The following PPP1R9A variants were observed in gnomAD, a reference collection of about 807,000 sequenced individuals.
PPP1R9A encodes neurabin-1.
PPP1R9A carries 59 observed loss-of-function variants against 141.9 expected under a neutral mutation model. That is an observed-to-expected ratio of 0.42 (90% CI 0.34 to 0.52). The LOEUF (loss-of-function observed/expected upper bound fraction) is 0.52, where lower values mean the gene tolerates loss of function less well. Among genes scored for constraint, PPP1R9A ranks in the 20% least tolerant of loss-of-function variants. PPP1R9A has a pLI of 0.10. For missense variants in PPP1R9A, 1,444 were observed against 1,611.9 expected (o/e 0.90, Z 1.78); for synonymous variants, 500 against 569.7 (o/e 0.88, Z 1.74).
At chr7:95,165,857 T>G (rs1295688425) in intron 5 of PPP1R9A, among the ~76,000 whole-genome samples, 1 of 152,050 alleles carries the variant, frequency 6.6e-6, no homozygotes, top group Non-Finnish European at 1.5e-5. Flanking sequence ...TAAATGTTAT[T>G]GAAAATTGGG....
chr7:95,195,809 G>A (rs1261714388), intron 5 of PPP1R9A, among the ~76,000 whole-genome samples: 2 of 152,036 alleles, frequency 1.3e-5, no homozygotes, highest in Admixed American at 6.6e-5. Context: ...CCAGCACTTT[G>A]GGGGGCCAAA....
intron 2 of PPP1R9A, among the ~76,000 whole-genome samples, chr7:95,043,709 T>A (rs1280295081): frequency 2.6e-5 from 4 of 152,216 alleles, no homozygotes; most frequent in African/African-American, 9.6e-5. Context: ...TTTCTTTATC[T>A]ACTATTGTCT....
intron 2 of PPP1R9A, among the ~76,000 whole-genome samples, chr7:95,034,988 C>G (rs1405386039): frequency 6.6e-6 from 1 of 152,138 alleles, no homozygotes; most frequent in African/African-American, 2.4e-5. Flanking sequence ...CTGAACCAGG[C>G]TGTGTTTAAC....
chr7:95,217,982 C>G (rs971100645), intron 7 of PPP1R9A, among the ~76,000 whole-genome samples: 2 of 152,188 alleles, frequency 1.3e-5, no homozygotes, highest in Admixed American at 1.3e-4. Flanking sequence ...CAGTTCCACT[C>G]TGATCTTAGT....
intron 2 of PPP1R9A, among the ~76,000 whole-genome samples, chr7:95,088,086 A>G (rs938610167): frequency 5.3e-5 from 8 of 152,004 alleles, no homozygotes; most frequent in Admixed American, 2.0e-4. Context: ...TCTGTGGCTT[A>G]TAAGAAGCTC....
chr7:95,091,337 CTTT>C (rs555627706), intron 2 of PPP1R9A, among the ~76,000 whole-genome samples: 2 of 75,972 alleles, frequency 2.6e-5, no homozygotes, highest in Admixed American at 1.9e-4. Flanking sequence ...TGTTTTAACT[CTTT>C]TTTTTTTTTT....
At chr7:95,086,278 G>A (rs1816622049) in intron 2 of PPP1R9A, among the ~76,000 whole-genome samples, 6 of 151,920 alleles carry the variant, frequency 3.9e-5, no homozygotes, top group African/African-American at 1.5e-4. Flanking sequence ...GGGAATTTTA[G>A]TTTAGGATTT....
chr7:95,139,157 G>A (rs1405194565), intron 4 of PPP1R9A, among the ~76,000 whole-genome samples: 2 of 152,164 alleles, frequency 1.3e-5, no homozygotes, highest in South Asian at 2.1e-4. Flanking sequence ...AAATGAAAGC[G>A]GTTTAATTGA....
intron 3 of PPP1R9A, among the ~76,000 whole-genome samples, chr7:95,113,116 G>A (rs753963747): frequency 6.6e-6 from 1 of 152,046 alleles, no homozygotes; most frequent in Middle Eastern, 3.2e-3. Context: ...TTAGCAACAA[G>A]AACAAATTTC....
At position 95,266,622 on chromosome 7, in the gene PPP1R9A, G is replaced by GA. The variant is rs1041703983; in HGVS notation, c.2666-1920dup. On this transcript the variant is annotated intron_variant, in intron 12 of 19. Coordinates refer to ENST00000433360, the MANE Select transcript of PPP1R9A (RefSeq NM_001166160.2). Reference sequence around the variant, plus strand: ...CTCAAGTTCTCTGAGCTTCAGGAGAGAAAAAAAATACTTGATTGGTACCTC... The same window carrying GA: ...CTCAAGTTCTCTGAGCTTCAGGAGAGAAAAAAAAATACTTGATTGGTACCTC... 2.6e-5 allele frequency among the ~76,000 whole-genome samples: 4 copies of GA among 151,810 alleles called. No individual in the cohort carries two copies. The East Asian group carries it at 5.8e-4, about 22-fold the overall frequency.
rs1563371669 is a variant in PPP1R9A, at chr7:95,181,851, A to AC, written c.1755-16498_1755-16497insC. On this transcript the variant is annotated intron_variant, in intron 5 of 19. Coordinates refer to ENST00000433360, the MANE Select transcript of PPP1R9A (RefSeq NM_001166160.2). ...ATATGATAGAATACTACTCAACCATATAAAGGAATGAATTAATGGCATTCA... is the reference window on the plus strand; with the variant it reads ...ATATGATAGAATACTACTCAACCATACTAAAGGAATGAATTAATGGCATTCA... 7.7e-4 allele frequency among the ~76,000 whole-genome samples: 115 copies of AC among 149,388 alleles called. 1 individual carries two copies. Among genetic ancestry groups the AC allele is most frequent in the Middle Eastern group, 6.9e-3 (2 of 288 alleles).
At chr7:95,205,878 G>A (rs10280839) in intron 7 of PPP1R9A, among the ~76,000 whole-genome samples, 1,732 of 152,112 alleles carry the variant, frequency 0.011, 29 homozygotes, top group African/African-American at 0.04. Context: ...GCTTGCTACA[G>A]CATTTTAATT....
intron 4 of PPP1R9A, among the ~76,000 whole-genome samples, chr7:95,137,663 C>T (rs955962972): frequency 1.3e-5 from 2 of 152,196 alleles, no homozygotes; most frequent in South Asian, 4.1e-4. Context: ...AAAGAAATCC[C>T]AATCAAACTC....
At chr7:95,120,964 T>A in intron 4 of PPP1R9A, 132 bp downstream of exon 4, 1 of 1,184,242 alleles carries the variant, frequency 8.4e-7, no homozygotes, top group East Asian at 2.4e-5. Context: ...GATGTGAAAA[T>A]CTTTAAACAC....
rs748159771 is a variant in PPP1R9A at position 95,247,473 on chromosome 7, T to C, written c.2113T>C (p.Leu705=). 5 of 1,605,806 alleles carry C rather than the reference T, an allele frequency of 3.1e-6. No homozygotes were observed. The highest frequency in any genetic ancestry group is 2.2e-5 in the South Asian group (2 of 90,250). Residue 705 remains leucine (L), a splice_region_variant and synonymous_variant, in exon 9 of 20, where the codon TTG becomes CTG. Coordinates refer to ENST00000433360, the MANE Select transcript of PPP1R9A (RefSeq NM_001166160.2). ...TTTTTTCTTTCTTTTCAATTTTCAG[T>C]TGCAAATCAAACATGCAGTTACAGA... The part of the protein sequence containing the change: ...TSKLSHKFKE[L]QIKHAVTEAE...
intron 2 of PPP1R9A, among the ~76,000 whole-genome samples, chr7:94,922,760 A>C (rs1003428345): frequency 2.0e-5 from 3 of 152,168 alleles, no homozygotes; most frequent in African/African-American, 7.2e-5. Context: ...GGATTGAGAG[A>C]ACAGTGATAA....
intron 2 of PPP1R9A, among the ~76,000 whole-genome samples, chr7:94,988,777 A>T (rs1435504673): frequency 6.6e-6 from 1 of 152,074 alleles, no homozygotes; most frequent in Non-Finnish European, 1.5e-5. Flanking sequence ...ATACAAATAC[A>T]TATACATATA....
At chr7:95,189,320 A>T (rs1299563596) in intron 5 of PPP1R9A, among the ~76,000 whole-genome samples, 4 of 151,696 alleles carry the variant, frequency 2.6e-5, no homozygotes, top group African/African-American at 9.7e-5. Context: ...TTTATTTCCC[A>T]GGTGTTCTTT....
At chr7:95,128,565 G>T (rs1269748127) in intron 4 of PPP1R9A, among the ~76,000 whole-genome samples, 2 of 151,718 alleles carry the variant, frequency 1.3e-5, no homozygotes, top group Non-Finnish European at 2.9e-5. Flanking sequence ...TTTGTTTTCT[G>T]TTCGTTTGTT....
Sources: allele counts gnomAD v4.1 joint callset (sites outside exome capture counted in the v4.1 genomes callset), GRCh38; gene constraint gnomAD v4.1.1; transcripts MANE v1.5; gene names NCBI Gene and HGNC (gene_info 2026-07-23, HGNC 2026-07-21).